The following PTPRQ variants were observed in gnomAD, a reference collection of about 807,000 sequenced individuals.
The protein encoded by PTPRQ is protein tyrosine phosphatase receptor type Q.
PTPRQ carries 199 observed loss-of-function variants against 246.0 expected under a neutral mutation model. That is an observed-to-expected ratio of 0.81 (90% CI 0.72 to 0.91). The LOEUF (loss-of-function observed/expected upper bound fraction) is 0.91, where lower values mean the gene tolerates loss of function less well. Among genes scored for constraint, PTPRQ ranks in the 40% least tolerant of loss-of-function variants. PTPRQ has a pLI of 0.00. For synonymous variants in PTPRQ, 869 were observed against 853.2 expected (o/e 1.02, Z -0.32); for missense variants, 2,624 against 2,528.4 (o/e 1.04, Z -0.81).
chr12:80,548,992 G>A (rs2141338), intron 24 of PTPRQ, among the ~76,000 whole-genome samples: 55,110 of 151,894 alleles, frequency 0.36, 13,539 homozygotes, highest in African/African-American at 0.7. Flanking sequence ...AAGCCATCCC[G>A]GTAAAAACCA....
chr12:80,507,993 T>C (rs1429003850), intron 16 of PTPRQ, among the ~76,000 whole-genome samples: 2 of 151,972 alleles, frequency 1.3e-5, no homozygotes, highest in East Asian at 1.9e-4. Flanking sequence ...TGGTAAGAAT[T>C]TGAGATCTTA....
At chr12:80,552,570 A>G (rs7956945) in intron 25 of PTPRQ, among the ~76,000 whole-genome samples, 52,925 of 145,124 alleles carry the variant, frequency 0.36, 13,412 homozygotes, top group African/African-American at 0.73. Context: ...ACTGTGATTC[A>G]TAATCCAAAT....
At chr12:80,561,281 C>T (rs377235709) in intron 25 of PTPRQ, 1 of 152,152 alleles carries the variant, frequency 6.6e-6, no homozygotes, top group South Asian at 2.1e-4. Flanking sequence ...AAAGCACTAA[C>T]TTTGTTCTGA....
At chr12:80,476,681 C>A (rs944257240) in intron 8 of PTPRQ, among the ~76,000 whole-genome samples, 52 of 152,094 alleles carry the variant, frequency 3.4e-4, no homozygotes, top group African/African-American at 1.2e-3. Context: ...GAAAGGGGGT[C>A]ATTTTTCCTT....
At chr12:80,651,950 C>T (rs1340503797) in intron 37 of PTPRQ, among the ~76,000 whole-genome samples, 1 of 151,926 alleles carries the variant, frequency 6.6e-6, no homozygotes, top group African/African-American at 2.4e-5. Flanking sequence ...GGAAACTTAT[C>T]CAATTAAAAG....
Position 80,541,962 on chromosome 12 carries a change from C to A in PTPRQ, c.3445+117C>A. The A allele has an allele frequency of 4.8e-6, 7 of 1,454,446 alleles. No individual in the cohort carries two copies. The East Asian group carries it at 7.4e-5, about 15-fold the overall frequency. 90.1% of individuals were successfully genotyped at this position (1,454,446 alleles called of 1,614,324 possible). A position where few individuals can be genotyped will look rare whatever the true frequency, so the allele number is the denominator to read the frequency against. ...ATTCTGTTTGATCTCAAGTAATTAG[C>A]CTTTCAATAAACACAGTGTTTCTTA... On this transcript the variant is annotated intron_variant, in intron 21 of 44. Transcript: ENST00000644991.
In PTPRQ at chr12:80,495,023, T is replaced by C; in HGVS notation, c.1631T>C (p.Ile544Thr). The C allele has an allele frequency of 6.4e-7, 1 of 1,550,570 alleles. No homozygotes were observed. Among genetic ancestry groups the C allele is most frequent in the Non-Finnish European group, 8.7e-7 (1 of 1,146,240 alleles). ...RRLVPFTEHMISVSAFTIMGE... is the reference protein window; with the variant it reads ...RRLVPFTEHMTSVSAFTIMGE... ...CTTGTACCTTTCACTGAGCACATGA[T>C]TAGTGTATCTGCTTTCACCATCATG... Residue 544 changes from isoleucine to threonine, a missense_variant, in exon 11 of 45, where the codon ATT becomes ACT. Transcript: ENST00000644991.
At chr12:80,520,444 T>C (rs1227881811) in intron 17 of PTPRQ, among the ~76,000 whole-genome samples, 4 of 152,178 alleles carry the variant, frequency 2.6e-5, no homozygotes, top group Non-Finnish European at 2.9e-5. Flanking sequence ...TGTGCCATGT[T>C]GGTGTGCTGT....
At chr12:80,596,870 G>A (rs1897986725) in intron 26 of PTPRQ, among the ~76,000 whole-genome samples, 1 of 152,014 alleles carries the variant, frequency 6.6e-6, no homozygotes, top group South Asian at 2.1e-4. Context: ...GAGATCCATA[G>A]GCTGCACAGT....
intron 35 of PTPRQ, among the ~76,000 whole-genome samples, chr12:80,648,642 T>A (rs1900155718): frequency 1.3e-5 from 2 of 152,116 alleles, no homozygotes; most frequent in Non-Finnish European, 2.9e-5. Context: ...TTTTTAAGCA[T>A]TTATAATGAC....
chr12:80,578,443 T>G (rs907967934), intron 25 of PTPRQ, among the ~76,000 whole-genome samples: 1 of 151,976 alleles, frequency 6.6e-6, no homozygotes, highest in African/African-American at 2.4e-5. Flanking sequence ...CGGGCTGGAG[T>G]GCAGTGGCGC....
At chr12:80,667,378 G>A (rs1048064686) in intron 39 of PTPRQ, among the ~76,000 whole-genome samples, 1 of 151,780 alleles carries the variant, frequency 6.6e-6, no homozygotes, top group Non-Finnish European at 1.5e-5. Flanking sequence ...AATAAATACC[G>A]CATATTCTCA....
At chr12:80,585,125 C>T (rs1484376967) in intron 25 of PTPRQ, among the ~76,000 whole-genome samples, 2 of 151,828 alleles carry the variant, frequency 1.3e-5, no homozygotes, top group Non-Finnish European at 2.9e-5. Flanking sequence ...TTTGATTTCT[C>T]CTTCTGGGTG....
intron 9 of PTPRQ, among the ~76,000 whole-genome samples, chr12:80,491,763 C>T (rs1490530860): frequency 6.6e-6 from 1 of 151,676 alleles, no homozygotes; most frequent in East Asian, 1.9e-4. Context: ...GAACTTTTTC[C>T]TGAGCACCTA....
Position 80,638,230 on chromosome 12 carries a change from T to C in PTPRQ, c.5915+3157T>C, listed in dbSNP as rs980862660. ...GTGGCAGTGAGCCAAGATCACACCA[T>C]TGCACTCCAGCCTGGGCAACAAGAG... is the stretch of plus-strand genomic sequence containing the variant. On this transcript the variant is annotated intron_variant, in intron 35 of 44. Transcript: ENST00000644991. Among the ~76,000 whole-genome samples, 15 of 149,382 alleles carry C rather than the reference T, an allele frequency of 1.0e-4. No homozygotes were observed. The South Asian group carries it at 2.7e-3, about 27-fold the overall frequency.
At chr12:80,456,921 A>G (rs1892999965) in intron 3 of PTPRQ, among the ~76,000 whole-genome samples, 1 of 152,160 alleles carries the variant, frequency 6.6e-6, no homozygotes, top group South Asian at 2.1e-4. Context: ...TAAATTGCTC[A>G]AAGCTACTAT....
chr12:80,562,652 A>C (rs1409290295), intron 25 of PTPRQ, among the ~76,000 whole-genome samples: 1 of 152,260 alleles, frequency 6.6e-6, no homozygotes, highest in East Asian at 1.9e-4. Flanking sequence ...AATTTGTAGC[A>C]CTAAGTGAAT....
At chr12:80,475,080 T>C (rs1327880283) in intron 8 of PTPRQ, among the ~76,000 whole-genome samples, 1 of 152,192 alleles carries the variant, frequency 6.6e-6, no homozygotes, top group Non-Finnish European at 1.5e-5. Context: ...ATGATCTTAA[T>C]GTATTTTCTT....
intron 12 of PTPRQ, among the ~76,000 whole-genome samples, 176 bp from the exon 13 acceptor site, chr12:80,495,823 T>G (rs1943308663): frequency 6.6e-6 from 1 of 151,990 alleles, no homozygotes. Flanking sequence ...GAACTTGAAG[T>G]CACCAACATG....
Sources: allele counts gnomAD v4.1 joint callset (sites outside exome capture counted in the v4.1 genomes callset), GRCh38; gene constraint gnomAD v4.1.1; transcripts MANE v1.5; gene names NCBI Gene and HGNC (gene_info 2026-07-23, HGNC 2026-07-21).